Variants in DIP2A observed in about 807,000 individuals in gnomAD.
DIP2A encodes the protein disco-interacting protein 2 homolog A.
A neutral mutation model predicts 177.4 loss-of-function variants in DIP2A; 85 were observed. The observed-to-expected ratio is 0.48, with a 90% CI of 0.40 to 0.57. DIP2A has a LOEUF of 0.57. Among genes scored for constraint, DIP2A ranks in the 20% least tolerant of loss-of-function variants. DIP2A has a pLI of 0.00. For synonymous variants in DIP2A, 886 were observed against 881.8 expected (o/e 1.00, Z -0.08); for missense variants, 1,791 against 2,100.2 (o/e 0.85, Z 2.88).
chr21:46,545,746 TG>T, intron 19 of DIP2A, 134 bp from the exon 20 acceptor site: 1 of 1,038,010 alleles, frequency 9.6e-7, no homozygotes, highest in African/African-American at 1.6e-5. Flanking sequence ...ACTGGGCCTA[TG>T]CAGGGCCAGC....
At chr21:46,524,229 G>A (rs895773436) in intron 8 of DIP2A, among the ~76,000 whole-genome samples, 4 of 152,174 alleles carry the variant, frequency 2.6e-5, no homozygotes, top group Non-Finnish European at 4.4e-5. Context: ...TCTTGGCCAC[G>A]AGGGACTTTA....
At chr21:46,555,960 G>A (rs772107215) in intron 28 of DIP2A, 22 bp from the exon 29 acceptor site, 1 of 1,548,660 alleles carries the variant, frequency 6.5e-7, no homozygotes, top group Non-Finnish European at 8.9e-7. Context: ...CACTAATGTT[G>A]CTGGTGTCTC....
chr21:46,513,101 A>G (rs1049816012), intron 8 of DIP2A, among the ~76,000 whole-genome samples: 1 of 13,200 alleles, frequency 7.6e-5, no homozygotes, highest in Admixed American at 1.4e-3. Flanking sequence ...TCTAACTTAC[A>G]TGTTGTTTTT....
chr21:46,577,403 C>T, the DIP2A span, among the ~76,000 whole-genome samples: 1 of 152,168 alleles, frequency 6.6e-6, no homozygotes, highest in Admixed American at 6.5e-5. Context: ...TTCCCCATTG[C>T]TTGTTTTTGT....
chr21:46,568,738 T>A lies in DIP2A; in HGVS notation c.*1116T>A, dbSNP rs1601878679. 1 of 152,204 alleles carries A rather than the reference T, an allele frequency of 6.6e-6. No homozygotes were observed. Among genetic ancestry groups the A allele is most frequent in the East Asian group, 1.9e-4 (1 of 5,196 alleles). 9.4% of individuals were successfully genotyped at this position (152,204 alleles called of 1,614,324 possible). On this transcript the variant is annotated 3_prime_UTR_variant, in exon 38 of 38. Coordinates refer to ENST00000417564, the MANE Select transcript of DIP2A (RefSeq NM_015151.4). ...AATTCTTCTCGTGGAAGTGTACTGATTTATTATTTTTATTCCAAGTCAGCA... is the reference window on the plus strand; with the variant it reads ...AATTCTTCTCGTGGAAGTGTACTGAATTATTATTTTTATTCCAAGTCAGCA...
intron 1 of DIP2A, among the ~76,000 whole-genome samples, chr21:46,476,600 T>A (rs996862290): frequency 4.0e-5 from 6 of 151,758 alleles, no homozygotes; most frequent in African/African-American, 1.5e-4. Flanking sequence ...ATCTAGGGTG[T>A]TCAAGGCAGA....
downstream of DIP2A, among the ~76,000 whole-genome samples, chr21:46,572,717 C>T (rs948529525): frequency 6.6e-6 from 1 of 152,148 alleles, no homozygotes; most frequent in Non-Finnish European, 1.5e-5. Context: ...TGCTATAATT[C>T]TAAGAAATAA....
intron 26 of DIP2A, 57 bp downstream of exon 26, chr21:46,554,349 A>G: frequency 1.2e-6 from 2 of 1,601,892 alleles, no homozygotes; most frequent in Admixed American, 3.4e-5. Flanking sequence ...CTCCTATCCT[A>G]AGCAGCCCCC....
intron 1 of DIP2A, among the ~76,000 whole-genome samples, chr21:46,483,845 G>C (rs1400359117): frequency 6.6e-6 from 1 of 152,178 alleles, no homozygotes; most frequent in African/African-American, 2.4e-5. Flanking sequence ...CAGAGGACAA[G>C]CTAATCATGA....
chr21:46,566,830 T>G, intron 37 of DIP2A, 147 bp downstream of exon 37: 1 of 1,095,906 alleles, frequency 9.1e-7, no homozygotes, highest in South Asian at 1.5e-5. Context: ...GCAGTGGAGC[T>G]GGGTGCCATG....
intron 6 of DIP2A, among the ~76,000 whole-genome samples, chr21:46,508,932 T>C (rs1024474626): frequency 2.6e-5 from 4 of 151,880 alleles, no homozygotes; most frequent in African/African-American, 9.7e-5. Context: ...GGCAAGAGAA[T>C]CGCTTGAACC....
At position 46,565,754 on chromosome 21, in the gene DIP2A, C is replaced by T. The variant is rs1431990771; in HGVS notation, c.4206C>T (p.Thr1402=). 4.1e-5 allele frequency: 66 copies of T among 1,613,928 alleles called. No individual in the cohort carries two copies. Among genetic ancestry groups the T allele is most frequent in the Non-Finnish European group, 5.5e-5 (65 of 1,179,876 alleles). ...CCCACAATGCCACCGGGTACTACAC[C>T]GTTTACGGGGAGGAGGCGCTTCATG... ...SSPHNATGYY[T]VYGEEALHAD... is the part of the protein sequence containing the mutation. Residue 1402 remains threonine, a synonymous_variant, in exon 36 of 38, where the codon ACC becomes ACT. Transcript: ENST00000417564.
chr21:46,579,568 T>C, the DIP2A span, among the ~76,000 whole-genome samples: 1 of 152,182 alleles, frequency 6.6e-6, no homozygotes, highest in Non-Finnish European at 1.5e-5. Context: ...GAGATCCTCC[T>C]AGCTTTTTGA....
Position 46,565,826 on chromosome 21 carries a change from C to A in DIP2A, c.4278C>A (p.Ile1426=), listed in dbSNP as rs1394466016. Reference sequence around the variant, plus strand: ...TGAGTTTTGGAGACACACAGACCATCTGGGCAAGGACCGGCTACCTTGGCT... The same window carrying A: ...TGAGTTTTGGAGACACACAGACCATATGGGCAAGGACCGGCTACCTTGGCT... ...ARLSFGDTQT[I]WARTGYLGFL... is the part of the protein sequence containing the mutation. The change falls in exon 36 of 38, where the codon ATC becomes ATA. Residue 1426 remains isoleucine, a synonymous_variant. Coordinates refer to ENST00000417564, the MANE Select transcript of DIP2A (RefSeq NM_015151.4). 4 of 1,613,896 alleles carry A rather than the reference C, an allele frequency of 2.5e-6. No individual in the cohort carries two copies. The highest frequency in any genetic ancestry group is 3.4e-6 in the Non-Finnish European group (4 of 1,179,892).
intron 6 of DIP2A, among the ~76,000 whole-genome samples, 166 bp from the exon 7 acceptor site, chr21:46,509,091 G>T (rs981613718): frequency 2.0e-5 from 3 of 152,212 alleles, no homozygotes; most frequent in African/African-American, 7.2e-5. Flanking sequence ...CATTCAGTAA[G>T]TGTTTTCTAA....
At position 46,554,638 on chromosome 21, in the gene DIP2A, G is replaced by A. The variant is rs911034592; in HGVS notation, c.3218G>A (p.Arg1073Gln). The change falls in exon 27 of 38, where the codon CGG becomes CAG. Residue 1073 changes from arginine to glutamine, a missense_variant. By Grantham distance (43) the Arg-to-Gln change is conservative. Transcript: ENST00000417564. Reference sequence around the variant, plus strand: ...TGTGGCTGCGTGCCTGTCACCGTGCGGCCCCCGCACCCTCAGAACCTCGGC... The same window carrying A: ...TGTGGCTGCGTGCCTGTCACCGTGCAGCCCCCGCACCCTCAGAACCTCGGC... ...LYCGCVPVTV[R>Q]PPHPQNLGTT... is the part of the protein sequence containing the mutation. The A allele has an allele frequency of 7.5e-6, 12 of 1,599,324 alleles. No homozygotes were observed. Among genetic ancestry groups the A allele is most frequent in the Non-Finnish European group, 1.0e-5 (12 of 1,173,448 alleles).
intron 4 of DIP2A, among the ~76,000 whole-genome samples, chr21:46,497,477 C>G (rs1017393786): frequency 6.6e-6 from 1 of 152,138 alleles, no homozygotes; most frequent in African/African-American, 2.4e-5. Flanking sequence ...ATCTTATTAC[C>G]TATAACTTAA....
chr21:46,490,592 T>C lies in DIP2A; in HGVS notation c.164-8T>C. On this transcript the variant is annotated splice_region_variant and splice_polypyrimidine_tract_variant and intron_variant, in intron 2 of 37. Transcript: ENST00000417564. ...CACATAAGGTATTCCCATAAAATTG[T>C]GTTTCAGGAATAGACCCATCTCTGC... 1 of 1,550,630 alleles carries C rather than the reference T, an allele frequency of 6.4e-7. No individual in the cohort carries two copies. Among genetic ancestry groups the C allele is most frequent in the South Asian group, 1.2e-5 (1 of 83,090 alleles).
intron 1 of DIP2A, among the ~76,000 whole-genome samples, chr21:46,459,634 C>T (rs1356368810): frequency 6.7e-6 from 1 of 149,446 alleles, no homozygotes; most frequent in African/African-American, 2.5e-5. Context: ...CCTCCGGACT[C>T]CCGACCCTCA....
Sources: allele counts gnomAD v4.1 joint callset (sites outside exome capture counted in the v4.1 genomes callset), GRCh38; gene constraint gnomAD v4.1.1; transcripts MANE v1.5; gene names NCBI Gene and HGNC (gene_info 2026-07-23, HGNC 2026-07-21).